The following ACADM variants were observed in gnomAD, a reference collection of about 807,000 sequenced individuals.
ACADM encodes acyl-CoA dehydrogenase medium chain, also known as medium-chain specific acyl-CoA dehydrogenase, mitochondrial.
ACADM carries 49 observed loss-of-function variants against 58.9 expected under a neutral mutation model. The ratio of observed to expected loss-of-function variants is 0.83; its 90% CI spans 0.66 to 1.06. The LOEUF (loss-of-function observed/expected upper bound fraction) is 1.06. Among genes scored for constraint, ACADM ranks in the 50% least tolerant of loss-of-function variants. ACADM has a pLI of 0.00. For missense variants in ACADM, 496 were observed against 507.0 expected (o/e 0.98, Z 0.21); for synonymous variants, 160 against 157.7 (o/e 1.01, Z -0.11).
chr1:75,758,893 C>T (rs932188066), intron 10 of ACADM, among the ~76,000 whole-genome samples: 7 of 152,350 alleles, frequency 4.6e-5, no homozygotes, highest in African/African-American at 1.4e-4. Flanking sequence ...CCCCAGCCTG[C>T]AGCGGCAACC....
intron 10 of ACADM, 73 bp downstream of exon 10, chr1:75,750,619 T>A: frequency 9.6e-7 from 1 of 1,045,544 alleles, no homozygotes; most frequent in Non-Finnish European, 1.5e-6. Context: ...AAATGATTTT[T>A]AAACCACAAA....
At chr1:75,742,618 C>G (rs75735471) in intron 7 of ACADM, among the ~76,000 whole-genome samples, 3,526 of 152,232 alleles carry the variant, frequency 0.023, 146 homozygotes, top group African/African-American at 0.081. Context: ...AGAATCTGCT[C>G]TAAGTAAGAA....
At chr1:75,726,470 T>C (rs1042428966) in intron 1 of ACADM, among the ~76,000 whole-genome samples, 7 of 152,214 alleles carry the variant, frequency 4.6e-5, no homozygotes. Context: ...AGGTTTTTTG[T>C]TCTGATTTTT....
intron 6 of ACADM, among the ~76,000 whole-genome samples, chr1:75,737,003 A>G (rs1647288552): frequency 1.3e-5 from 2 of 152,000 alleles, no homozygotes; most frequent in Admixed American, 1.3e-4. Flanking sequence ...ATAATTTGCT[A>G]TCTAATGGAT....
chr1:75,731,684 A>G (rs149696488), intron 2 of ACADM, among the ~76,000 whole-genome samples: 1 of 152,202 alleles, frequency 6.6e-6, no homozygotes, highest in African/African-American at 2.4e-5. Flanking sequence ...CCTTTCTACC[A>G]CTTTTACCAG....
In ACADM at chr1:75,761,343, A is replaced by G. The variant is rs1426726206; in HGVS notation, c.1167A>G (p.Lys389=). ...NGFNTEYPVE[K]LMRDAKIYQI... ...TTAATACAGAATATCCTGTAGAAAA[A>G]CTAATGAGGGATGCCAAAATCTATC... is the stretch of plus-strand genomic sequence containing the variant. The change falls in exon 11 of 12, where the codon AAA becomes AAG. Residue 389 remains lysine, a synonymous_variant. Coordinates refer to ENST00000370841, the MANE Select transcript of ACADM (RefSeq NM_000016.6). 6.2e-7 allele frequency: 1 copy of G among 1,614,052 alleles called. No homozygotes were observed. Among genetic ancestry groups the G allele is most frequent in the Non-Finnish European group, 8.5e-7 (1 of 1,179,988 alleles).
intron 1 of ACADM, among the ~76,000 whole-genome samples, chr1:75,727,712 G>A (rs1023686010): frequency 3.3e-5 from 5 of 152,130 alleles, no homozygotes; most frequent in South Asian, 4.2e-4. Context: ...GTAAAGGAAC[G>A]GATAGTACAT....
chr1:75,728,369 C>A, intron 1 of ACADM, 32 bp from the exon 2 acceptor site: 2 of 1,562,254 alleles, frequency 1.3e-6, no homozygotes, highest in South Asian at 2.3e-5. Flanking sequence ...TTTAACTTAT[C>A]AAATTTATTT....
intron 7 of ACADM, among the ~76,000 whole-genome samples, chr1:75,743,035 C>T (rs1454710187): frequency 6.6e-6 from 1 of 152,152 alleles, no homozygotes; most frequent in Non-Finnish European, 1.5e-5. Context: ...CTCTGCAGAA[C>T]AAACTTTCAA....
intron 10 of ACADM, among the ~76,000 whole-genome samples, chr1:75,754,270 C>T (rs1190440547): frequency 3.4e-5 from 5 of 146,920 alleles, no homozygotes; most frequent in Non-Finnish European, 6.0e-5. Context: ...TGCAGTGGTG[C>T]GATCTCTGCT....
At chr1:75,749,946 C>T (rs1274248552) in intron 9 of ACADM, among the ~76,000 whole-genome samples, 2 of 151,866 alleles carry the variant, frequency 1.3e-5, no homozygotes, top group Non-Finnish European at 1.5e-5. Flanking sequence ...CTCTTGACCT[C>T]GTGATCTGCC....
Position 75,733,532 on chromosome 1 carries a change from TCTTGGA to T in ACADM, c.298_303del (p.Leu100_Gly101del). 1 of 1,613,198 alleles carries T rather than the reference TCTTGGA, an allele frequency of 6.2e-7. No individual in the cohort carries two copies. Among genetic ancestry groups the T allele is most frequent in the Non-Finnish European group, 8.5e-7 (1 of 1,179,270 alleles). ...TGAAACATTTTGATACTGTAGGAGG[TCTTGGA>T]CTTGGAACTTTTGATGCTTGTTTAA... On this transcript the variant is annotated inframe_deletion, in exon 5 of 12. Transcript: ENST00000370841.
chr1:75,753,097 C>G (rs1478607778), intron 10 of ACADM, among the ~76,000 whole-genome samples: 1 of 152,004 alleles, frequency 6.6e-6, no homozygotes, highest in Non-Finnish European at 1.5e-5. Context: ...AACAAAAGTC[C>G]TTTTTTTTCT....
intron 7 of ACADM, chr1:75,744,468 A>G (rs541654656): frequency 7.8e-6 from 12 of 1,532,430 alleles, no homozygotes; most frequent in Non-Finnish European, 9.9e-6. Flanking sequence ...CAATCTCACA[A>G]ACCACTTCAT....
chr1:75,726,122 G>A (rs1647051538), intron 1 of ACADM, among the ~76,000 whole-genome samples: 1 of 152,098 alleles, frequency 6.6e-6, no homozygotes, highest in African/African-American at 2.4e-5. Flanking sequence ...AAATTCCCTC[G>A]GTTGGCCAGG....
rs1235897161 is a variant in ACADM, at chr1:75,724,749, C to T, written c.-39C>T. On this transcript the variant is annotated 5_prime_UTR_variant, in exon 1 of 12. Transcript: ENST00000370841. Reference sequence around the variant, plus strand: ...TCGGGGAGTATGTCAAGGCCGTGACCCGTGTATTATTGTCCGAGTGGCCGG... The same window carrying T: ...TCGGGGAGTATGTCAAGGCCGTGACTCGTGTATTATTGTCCGAGTGGCCGG... The T allele has an allele frequency of 2.6e-6, 4 of 1,542,138 alleles. No homozygotes were observed. The highest frequency in any genetic ancestry group is 1.4e-5 in the African/African-American group (1 of 70,400).
chr1:75,724,760 T>C lies in ACADM; in HGVS notation c.-28T>C. ...GTCAAGGCCGTGACCCGTGTATTAT[T>C]GTCCGAGTGGCCGGAACGGGAGCCA... On this transcript the variant is annotated 5_prime_UTR_variant, in exon 1 of 12. Coordinates refer to ENST00000370841, the MANE Select transcript of ACADM (RefSeq NM_000016.6). The C allele has an allele frequency of 6.5e-7, 1 of 1,533,382 alleles. No homozygotes were observed. The highest frequency in any genetic ancestry group is 8.8e-7 in the Non-Finnish European group (1 of 1,138,526). The allele number at this position is 1,533,382 out of a possible 1,614,324, so 95.0% of individuals were successfully genotyped here.
intron 7 of ACADM, chr1:75,743,557 C>G (rs1002594832): frequency 1.5e-5 from 24 of 1,595,284 alleles, no homozygotes; most frequent in Non-Finnish European, 1.9e-5. Context: ...CTCTACCTTG[C>G]CTCCTATAGC....
intron 10 of ACADM, among the ~76,000 whole-genome samples, chr1:75,755,406 G>A (rs979193324): frequency 9.9e-5 from 15 of 152,188 alleles, no homozygotes; most frequent in Non-Finnish European, 1.6e-4. Flanking sequence ...CCTCTGAGAC[G>A]AAGCTTCCAG....
Sources: gnomAD v4.1 joint callset for allele counts (sites outside exome capture counted in the v4.1 genomes callset) on GRCh38, gnomAD v4.1.1 for gene constraint, MANE v1.5 for transcripts, NCBI Gene and HGNC (gene_info 2026-07-23, HGNC 2026-07-21) for gene names.